ACO2: variants seen among roughly 807,000 people sequenced by gnomAD.
The protein encoded by ACO2 is aconitate hydratase, mitochondrial.
ACO2 carries 31 observed loss-of-function variants against 84.5 expected under a neutral mutation model. The ratio of observed to expected loss-of-function variants is 0.37; its 90% confidence interval spans 0.28 to 0.50. The LOEUF (loss-of-function observed/expected upper bound fraction) is 0.50. Among genes scored for constraint, ACO2 ranks in the 20% least tolerant of loss-of-function variants. The pLI is 0.97. For synonymous variants in ACO2, 414 were observed against 412.7 expected (o/e 1.00, Z -0.04); for missense variants, 685 against 1,029.3 (o/e 0.67, Z 4.58).
intron 1 of ACO2, among the ~76,000 whole-genome samples, chr22:41,473,265 G>A (rs1365996427): frequency 1.3e-5 from 2 of 152,188 alleles, no homozygotes; most frequent in African/African-American, 4.8e-5. Flanking sequence ...AGCACATTGG[G>A]AGGCCAAGGC....
At position 41,524,920 on chromosome 22, in the gene ACO2, CAAG is replaced by C. The variant is rs750451539; in HGVS notation, c.1561_1563del (p.Lys521del). On this transcript the variant is annotated inframe_deletion, in exon 13 of 18. Transcript: ENST00000216254. ...CCGACTACCTGACGGGCACGGATGG[CAAG>C]AAGTTCAGGCTGGAGGCTCCGGATG... The C allele has an allele frequency of 5.0e-6, 8 of 1,614,066 alleles. No homozygotes were observed. The highest frequency in any genetic ancestry group is 1.7e-5 in the Admixed American group (1 of 60,012).
chr22:41,527,218 CAGGT>C, intron 15 of ACO2, 66 bp from the exon 16 acceptor site: 4 of 1,609,034 alleles, frequency 2.5e-6, no homozygotes, highest in Non-Finnish European at 3.4e-6. Context: ...TGAGGCCAGG[CAGGT>C]AGGGCCAGAC....
rs775489650 is a variant in ACO2 at position 41,526,400 on chromosome 22, A to G, written c.1900A>G (p.Asn634Asp). Residue 634 changes from asparagine to aspartate, a missense_variant, in exon 15 of 18, where the codon AAT becomes GAT. Transcript: ENST00000216254. Reference protein sequence around the residue: ...IENGKANSVRNAVTQEFGPVP... With the variant: ...IENGKANSVRDAVTQEFGPVP... ...AAACGGCAAGGCCAACTCCGTGCGC[A>G]ATGCCGTCACTCAGGAGTTTGGCCC... 1 of 1,613,928 alleles carries G rather than the reference A, an allele frequency of 6.2e-7. No individual in the cohort carries two copies. Among genetic ancestry groups the G allele is most frequent in the South Asian group, 1.1e-5 (1 of 91,066 alleles).
At chr22:41,477,519 C>T (rs1207851829) in intron 1 of ACO2, among the ~76,000 whole-genome samples, 2 of 152,074 alleles carry the variant, frequency 1.3e-5, no homozygotes, top group African/African-American at 4.8e-5. Context: ...TGGAGCCAGG[C>T]CTGGAATTCC....
At position 41,469,170 on chromosome 22, in the gene ACO2, G is replaced by A. The variant is rs1215467107; in HGVS notation, c.24G>A (p.Val8=). MAPYSLL[V]TRLQKALGVR... Reference sequence around the variant, plus strand: ...AAATGGCGCCCTACAGCCTACTGGTGACTCGGCTGCAGGTGAGCGAGCTCA... The same window carrying A: ...AAATGGCGCCCTACAGCCTACTGGTAACTCGGCTGCAGGTGAGCGAGCTCA... Residue 8 remains valine, a synonymous_variant, in exon 1 of 18, where the codon GTG becomes GTA. Coordinates refer to ENST00000216254, the MANE Select transcript of ACO2 (RefSeq NM_001098.3). 3 of 1,608,628 alleles carry A rather than the reference G, an allele frequency of 1.9e-6. No individual in the cohort carries two copies. Among genetic ancestry groups the A allele is most frequent in the Non-Finnish European group, 2.5e-6 (3 of 1,177,392 alleles).
chr22:41,495,862 A>G (rs1287770310), intron 1 of ACO2, among the ~76,000 whole-genome samples: 8 of 151,470 alleles, frequency 5.3e-5, no homozygotes, highest in Admixed American at 5.3e-4. Context: ...CGGCCTCCCA[A>G]AGTGCTGGGA....
intron 14 of ACO2, 174 bp from the exon 15 acceptor site, chr22:41,526,088 G>A (rs980038730): frequency 6.8e-6 from 4 of 589,716 alleles, no homozygotes; most frequent in Non-Finnish European, 1.2e-5. Context: ...GAGCCCATGT[G>A]GCCTTAGGGT....
intron 2 of ACO2, among the ~76,000 whole-genome samples, chr22:41,504,954 A>G (rs2066382433): frequency 6.6e-6 from 1 of 151,558 alleles, no homozygotes; most frequent in Non-Finnish European, 1.5e-5. Flanking sequence ...GACTCAAGTG[A>G]TCTGTCTGCC....
chr22:41,482,589 A>G (rs1346713360), intron 1 of ACO2, among the ~76,000 whole-genome samples: 1 of 152,230 alleles, frequency 6.6e-6, no homozygotes, highest in Non-Finnish European at 1.5e-5. Context: ...GAAGTGCTAT[A>G]ACGATGCTTA....
In ACO2 at chr22:41,523,621, C is replaced by T. The variant is rs577691540; in HGVS notation, c.1371-209C>T. ...TGACCAAGGCCTTGCCTCTGGCTTA[C>T]GTGTGGTTGCAGGCTGGGCCCAGTG... is the stretch of plus-strand genomic sequence containing the variant. On this transcript the variant is annotated intron_variant, in intron 11 of 17. Transcript: ENST00000216254. 7.9e-5 allele frequency among the ~76,000 whole-genome samples: 12 copies of T among 152,280 alleles called. No homozygotes were observed. The East Asian group carries it at 1.9e-3, about 25-fold the overall frequency.
chr22:41,519,062 C>T (rs922419356), intron 8 of ACO2, among the ~76,000 whole-genome samples: 2 of 152,122 alleles, frequency 1.3e-5, no homozygotes, highest in South Asian at 2.1e-4. Context: ...GACACAGCCA[C>T]GGGGAGAGCA....
chr22:41,499,660 G>C lies in ACO2; in HGVS notation c.37-66G>C, dbSNP rs868197284. The C allele has an allele frequency of 1.2e-5, 19 of 1,553,534 alleles. No individual in the cohort carries two copies. The African/African-American group carries it at 2.5e-4, about 20-fold the overall frequency. On this transcript the variant is annotated intron_variant, in intron 1 of 17. Transcript: ENST00000216254. ...TCCTGGATTTTTTTCACCATACTGA[G>C]CTGCCCTCGGGGATGGACTCTCCTA...
intron 1 of ACO2, among the ~76,000 whole-genome samples, chr22:41,494,860 A>C (rs2066302010): frequency 6.6e-6 from 1 of 151,746 alleles, no homozygotes; most frequent in Non-Finnish European, 1.5e-5. Flanking sequence ...CAGCCTCCCG[A>C]GTAGCTGGGA....
chr22:41,504,235 A>G (rs1163791960), intron 2 of ACO2, among the ~76,000 whole-genome samples: 1 of 152,210 alleles, frequency 6.6e-6, no homozygotes, highest in Non-Finnish European at 1.5e-5. Context: ...GGCTCAAAAA[A>G]TAAAAATAAA....
chr22:41,507,084 G>T (rs910021073), intron 2 of ACO2, among the ~76,000 whole-genome samples: 8 of 152,088 alleles, frequency 5.3e-5, no homozygotes, highest in African/African-American at 1.9e-4. Context: ...GGAAGGGAGG[G>T]GTGGGGCCTC....
intron 1 of ACO2, among the ~76,000 whole-genome samples, chr22:41,479,019 A>G (rs2038055636): frequency 6.6e-6 from 1 of 152,146 alleles, no homozygotes; most frequent in Admixed American, 6.5e-5. Flanking sequence ...TGTGGTATTT[A>G]TAAGCACTCA....
chr22:41,477,018 G>A (rs1049194705), intron 1 of ACO2, among the ~76,000 whole-genome samples: 6 of 151,658 alleles, frequency 4.0e-5, no homozygotes, highest in East Asian at 3.9e-4. Flanking sequence ...GCATGGTGGC[G>A]TGTACCTGTA....
At position 41,515,604 on chromosome 22, in the gene ACO2, G is replaced by T; in HGVS notation, c.684+69G>T. 6.3e-7 allele frequency: 1 copy of T among 1,575,520 alleles called. No individual in the cohort carries two copies. On this transcript the variant is annotated intron_variant, in intron 5 of 17. Coordinates refer to ENST00000216254, the MANE Select transcript of ACO2 (RefSeq NM_001098.3). This position sits in a 1 kb window ranked among gnomAD's most constrained non-coding sequence, Gnocchi z 5.8. The stretch of plus-strand genomic sequence containing the variant: ...TGGTTGGTGGGGATGAACGGGAGAC[G>T]GTGGGACCCAGGAGGGAAAAGGGAA...
chr22:41,528,423 G>T, intron 17 of ACO2, 56 bp from the exon 18 acceptor site: 4 of 1,591,528 alleles, frequency 2.5e-6, no homozygotes, highest in East Asian at 2.2e-5. Context: ...CCCCCCTGCG[G>T]GGCCAAGGGC....
Sources: allele counts gnomAD v4.1 joint callset (sites outside exome capture counted in the v4.1 genomes callset), GRCh38; gene constraint gnomAD v4.1.1; non-coding constraint Gnocchi (gnomAD v3.1); transcripts MANE v1.5; gene names NCBI Gene and HGNC (gene_info 2026-07-23, HGNC 2026-07-21).